Variants in OPCML observed in about 807,000 individuals in gnomAD.
OPCML encodes opioid binding protein/cell adhesion molecule like.
Under a neutral mutation model 37.8 loss-of-function variants are expected in OPCML, and 13 were observed. The observed-to-expected ratio is 0.34, with a 90% confidence interval of 0.22 to 0.55. The LOEUF (loss-of-function observed/expected upper bound fraction) is 0.55. OPCML is among the 20% of genes least tolerant of loss of function. The pLI is 0.91. For missense variants in OPCML, 341 were observed against 435.6 expected (o/e 0.78, Z 1.93); for synonymous variants, 176 against 168.8 (o/e 1.04, Z -0.33).
chr11:132,574,168 A>T lies in OPCML; in HGVS notation c.380-44982T>A, dbSNP rs12419528. ...TTTGTTAATTTTGGTTATCTTTTTT[A>T]AAAAAGGCAATTCTTAGTTTCATTA... is the stretch of plus-strand genomic sequence containing the variant. On this transcript the variant is annotated intron_variant, in intron 3 of 7. Transcript: ENST00000524381. Among the ~76,000 whole-genome samples the T allele has an allele frequency of 2.8e-4, 41 of 144,984 alleles. 1 individual carries two copies. The highest frequency in any genetic ancestry group is 2.3e-3 in the East Asian group (12 of 5,164).
intron 3 of OPCML, among the ~76,000 whole-genome samples, chr11:132,548,489 A>G (rs1253566023): frequency 4.6e-5 from 7 of 152,122 alleles, no homozygotes; most frequent in African/African-American, 1.7e-4. Flanking sequence ...TCATCTGCTC[A>G]TTTCCCTCTC....
intron 1 of OPCML, among the ~76,000 whole-genome samples, chr11:133,278,288 G>A (rs997858469): frequency 2.0e-5 from 3 of 152,150 alleles, no homozygotes; most frequent in South Asian, 2.1e-4. Context: ...TGAAGAAAAT[G>A]TGCAATGATG....
At chr11:133,038,269 T>C (rs913525130) in intron 1 of OPCML, among the ~76,000 whole-genome samples, 4 of 152,234 alleles carry the variant, frequency 2.6e-5, no homozygotes, top group Admixed American at 6.5e-5. Flanking sequence ...CCTGTCTTAG[T>C]GTCTCTCTGG....
chr11:133,072,238 T>C (rs1016687217), intron 1 of OPCML, among the ~76,000 whole-genome samples: 1 of 152,144 alleles, frequency 6.6e-6, no homozygotes, highest in African/African-American at 2.4e-5. Flanking sequence ...ACTACTAAAT[T>C]GCATGTTTCA....
intron 1 of OPCML, among the ~76,000 whole-genome samples, chr11:132,965,029 T>A (rs1046557971): frequency 1.3e-5 from 2 of 152,246 alleles, no homozygotes; most frequent in African/African-American, 2.4e-5. Flanking sequence ...TTAGACAGTT[T>A]GTGTCTTTGG....
At chr11:132,736,497 T>C (rs1194415466) in intron 2 of OPCML, among the ~76,000 whole-genome samples, 1 of 152,200 alleles carries the variant, frequency 6.6e-6, no homozygotes, top group Non-Finnish European at 1.5e-5. Context: ...CTCCTGGCAG[T>C]TATGCCCCAC....
Position 133,386,685 on chromosome 11 carries a change from G to T in OPCML, c.61+145579C>A, listed in dbSNP as rs563686189. 3.3e-5 allele frequency among the ~76,000 whole-genome samples: 5 copies of T among 152,322 alleles called. No individual in the cohort carries two copies. In the South Asian group the frequency reaches 1.0e-3, roughly 32 times the overall value. Reference sequence around the variant, plus strand: ...GCGATGTCCTCTTTTAATTCACTAGGTCAGGAAAAGCGCTAAGCAAATCAC... The same window carrying T: ...GCGATGTCCTCTTTTAATTCACTAGTTCAGGAAAAGCGCTAAGCAAATCAC... On this transcript the variant is annotated intron_variant, in intron 1 of 7. Transcript: ENST00000524381.
chr11:132,678,882 G>T (rs777127475), intron 2 of OPCML, among the ~76,000 whole-genome samples: 3 of 152,062 alleles, frequency 2.0e-5, no homozygotes, highest in Admixed American at 6.6e-5. Context: ...TACACAGTCT[G>T]CCAGTGATGA....
At chr11:133,445,342 A>C (rs1946452430) in intron 1 of OPCML, among the ~76,000 whole-genome samples, 1 of 152,228 alleles carries the variant, frequency 6.6e-6, no homozygotes, top group African/African-American at 2.4e-5. Flanking sequence ...GGCTGTTGAC[A>C]TGAGCTTATG....
intron 1 of OPCML, among the ~76,000 whole-genome samples, chr11:133,144,260 T>C (rs890278143): frequency 1.3e-5 from 2 of 152,212 alleles, no homozygotes; most frequent in Non-Finnish European, 2.9e-5. Flanking sequence ...TTCAGCCCCA[T>C]GCGACCATGG....
chr11:132,641,632 T>G lies in OPCML; in HGVS notation c.379+15455A>C, dbSNP rs1231269510. On this transcript the variant is annotated intron_variant, in intron 3 of 7. Coordinates refer to ENST00000524381, the MANE Select transcript of OPCML (RefSeq NM_001012393.5). ...CCATTCTTCCCTTCCCACCTACATC[T>G]TATGCAGTACAAGATTTTAAGCCTT... Among the ~76,000 whole-genome samples, 3 of 152,204 alleles carry G rather than the reference T, an allele frequency of 2.0e-5. No individual in the cohort carries two copies. In the East Asian group the frequency reaches 5.8e-4, roughly 29 times the overall value.
At chr11:132,542,207 G>C (rs1005916660) in intron 3 of OPCML, among the ~76,000 whole-genome samples, 1 of 152,086 alleles carries the variant, frequency 6.6e-6, no homozygotes, top group African/African-American at 2.4e-5. Flanking sequence ...GCCACTCCTG[G>C]CTGGGGAAGG....
intron 1 of OPCML, among the ~76,000 whole-genome samples, chr11:133,483,391 GATAA>G (rs931087559): frequency 2.1e-4 from 32 of 150,902 alleles, no homozygotes; most frequent in Admixed American, 9.9e-4. Context: ...AGATAACATA[GATAA>G]ATAGATGATT....
intron 2 of OPCML, among the ~76,000 whole-genome samples, chr11:132,678,880 C>T (rs1354728905): frequency 2.6e-5 from 4 of 152,066 alleles, no homozygotes; most frequent in Admixed American, 2.6e-4. Flanking sequence ...ACTACACAGT[C>T]TGCCAGTGAT....
chr11:133,367,199 C>A (rs1265539834), intron 1 of OPCML, among the ~76,000 whole-genome samples: 2 of 152,104 alleles, frequency 1.3e-5, no homozygotes, highest in African/African-American at 4.8e-5. Flanking sequence ...GGATGGTCTC[C>A]ATCTCCTGAC....
chr11:132,429,863 C>T (rs2095990409), intron 7 of OPCML, among the ~76,000 whole-genome samples: 1 of 152,130 alleles, frequency 6.6e-6, no homozygotes, highest in African/African-American at 2.4e-5. Context: ...CCTGAAGGTA[C>T]AGAAGAGCCC....
intron 2 of OPCML, among the ~76,000 whole-genome samples, chr11:132,832,628 G>C (rs1940762097): frequency 1.3e-5 from 2 of 152,208 alleles, no homozygotes; most frequent in Admixed American, 1.3e-4. Flanking sequence ...GCCTAATCAT[G>C]TATGCTTTTT....
At chr11:133,353,360 G>C (rs1485052590) in intron 1 of OPCML, among the ~76,000 whole-genome samples, 1 of 152,000 alleles carries the variant, frequency 6.6e-6, no homozygotes, top group Admixed American at 6.6e-5. Flanking sequence ...GGGTTTCACT[G>C]TGTTGGCCAG....
At chr11:133,047,214 G>A (rs2136958014) in intron 1 of OPCML, among the ~76,000 whole-genome samples, 1 of 152,340 alleles carries the variant, frequency 6.6e-6, no homozygotes, top group South Asian at 2.1e-4. Flanking sequence ...CTCAGCCTAA[G>A]CAGCACATGC....
Sources: allele counts gnomAD v4.1 joint callset (sites outside exome capture counted in the v4.1 genomes callset), GRCh38; gene constraint gnomAD v4.1.1; transcripts MANE v1.5; gene names NCBI Gene and HGNC (gene_info 2026-07-23, HGNC 2026-07-21).